The following LSAMP variants were observed in gnomAD, a reference collection of about 807,000 sequenced individuals.
LSAMP encodes limbic system-associated membrane protein.
Under a neutral mutation model 38.6 loss-of-function variants are expected in LSAMP, and 7 were observed. That is an observed-to-expected ratio of 0.18 (90% confidence interval 0.10 to 0.34). The LOEUF is 0.34. Among genes scored for constraint, LSAMP ranks in the 10% least tolerant of loss-of-function variants. The probability of loss-of-function intolerance (pLI) is 1.00; values close to 1 mark genes in which losing one functional copy is unlikely to be tolerated. For missense variants in LSAMP, 313 were observed against 420.0 expected (o/e 0.75, Z 2.23); for synonymous variants, 154 against 166.8 (o/e 0.92, Z 0.59).
chr3:116,287,200 T>TAA (rs2047206762), intron 1 of LSAMP, among the ~76,000 whole-genome samples: 1 of 152,092 alleles, frequency 6.6e-6, no homozygotes, highest in South Asian at 2.1e-4. Context: ...GGATAGTGTG[T>TAA]CACATGCAGA....
At chr3:116,280,434 G>A (rs551568735) in intron 1 of LSAMP, among the ~76,000 whole-genome samples, 3 of 152,288 alleles carry the variant, frequency 2.0e-5, no homozygotes, top group South Asian at 2.1e-4. Context: ...AGGACTTGGC[G>A]ACTGAGATTT....
At position 116,390,772 on chromosome 3, in the gene LSAMP, A is replaced by C. The variant is rs144360608; in HGVS notation, c.155+54105T>G. Among the ~76,000 whole-genome samples the C allele has an allele frequency of 2.5e-3, 379 of 150,574 alleles. 1 individual carries two copies. The highest frequency in any genetic ancestry group is 8.8e-3 in the African/African-American group (360 of 40,796). On this transcript the variant is annotated intron_variant, in intron 1 of 6. Coordinates refer to ENST00000490035, the MANE Select transcript of LSAMP (RefSeq NM_002338.5). ...AAAAAAAAAAAAAAAAAGGCAAGGA[A>C]CGTGCTTACAGTAACAATAATATCC...
At chr3:115,911,315 T>C (rs1937129355) in intron 3 of LSAMP, among the ~76,000 whole-genome samples, 1 of 152,216 alleles carries the variant, frequency 6.6e-6, no homozygotes, top group Non-Finnish European at 1.5e-5. Flanking sequence ...TTTTGGTTTA[T>C]AGCTATTATG....
intron 3 of LSAMP, among the ~76,000 whole-genome samples, chr3:115,925,611 C>T (rs890411943): frequency 1.3e-5 from 2 of 152,060 alleles, no homozygotes; most frequent in African/African-American, 4.8e-5. Flanking sequence ...GGATCAGAGG[C>T]ATTGCAAAAA....
rs952227868 is a variant in LSAMP, at chr3:115,983,399, T to G, written c.514+36116A>C. Among the ~76,000 whole-genome samples, 4 of 152,082 alleles carry G rather than the reference T, an allele frequency of 2.6e-5. No homozygotes were observed. The South Asian group carries it at 8.3e-4, about 32-fold the overall frequency. On this transcript the variant is annotated intron_variant, in intron 3 of 6. Coordinates refer to ENST00000490035, the MANE Select transcript of LSAMP (RefSeq NM_002338.5). ...TTAGCCTGGTATGGTGGTGCACACC[T>G]GTAGTCCCAGCTACTTGAGGCTGAG...
At chr3:115,847,236 C>A (rs966817522) in intron 4 of LSAMP, among the ~76,000 whole-genome samples, 2 of 152,042 alleles carry the variant, frequency 1.3e-5, no homozygotes, top group Non-Finnish European at 2.9e-5. Flanking sequence ...GTCCTCTCTA[C>A]GTGGGGATGA....
At chr3:116,248,787 AC>A (rs2046636832) in intron 1 of LSAMP, among the ~76,000 whole-genome samples, 1 of 152,076 alleles carries the variant, frequency 6.6e-6, no homozygotes, top group Non-Finnish European at 1.5e-5. Flanking sequence ...GCATGAGCAC[AC>A]CCATGTCTGT....
chr3:116,170,283 A>G (rs184041743), intron 1 of LSAMP, among the ~76,000 whole-genome samples: 7 of 152,318 alleles, frequency 4.6e-5, no homozygotes, highest in East Asian at 1.9e-4. Context: ...TTATAAGCCA[A>G]TCGGAGGAAG....
At chr3:116,390,624 G>T (rs531416134) in intron 1 of LSAMP, among the ~76,000 whole-genome samples, 1 of 151,834 alleles carries the variant, frequency 6.6e-6, no homozygotes, top group South Asian at 2.1e-4. Context: ...CAGCTACTCA[G>T]GAGGCTGAGG....
intron 2 of LSAMP, among the ~76,000 whole-genome samples, chr3:116,049,922 A>G (rs1249863749): frequency 6.6e-6 from 1 of 152,174 alleles, no homozygotes; most frequent in African/African-American, 2.4e-5. Flanking sequence ...TGTCCCTTCA[A>G]AGAAAAAGTA....
At chr3:116,087,737 T>A (rs945723279) in intron 1 of LSAMP, among the ~76,000 whole-genome samples, 2 of 152,184 alleles carry the variant, frequency 1.3e-5, no homozygotes, top group Admixed American at 1.3e-4. Context: ...AATTGATGCA[T>A]AACCCATAGG....
intron 1 of LSAMP, among the ~76,000 whole-genome samples, chr3:116,422,977 T>A (rs978977942): frequency 5.3e-5 from 8 of 152,212 alleles, no homozygotes; most frequent in Admixed American, 5.2e-4. Flanking sequence ...GCTTTCCTCT[T>A]CAATCAGAAT....
chr3:115,818,788 T>TATATATATATATATATATATA (rs1559834667), intron 6 of LSAMP, among the ~76,000 whole-genome samples: 1 of 24,990 alleles, frequency 4.0e-5, no homozygotes, highest in Non-Finnish European at 9.1e-5. Context: ...AAAGTTGTAC[T>TATATATATATATATATATATA]TTTATATATA....
intron 1 of LSAMP, among the ~76,000 whole-genome samples, chr3:116,139,712 C>T (rs933746992): frequency 6.6e-6 from 1 of 151,892 alleles, no homozygotes; most frequent in South Asian, 2.1e-4. Context: ...ACACATGAGG[C>T]TTATTTTTAG....
rs79328490 is a variant in LSAMP, at chr3:116,115,525, C to T, written c.156-28969G>A. Among the ~76,000 whole-genome samples, 1,110 of 152,260 alleles carry T rather than the reference C, an allele frequency of 7.3e-3. 50 individuals are homozygous for T. Among genetic ancestry groups the T allele is most frequent in the Admixed American group, 0.065 (1,001 of 15,284 alleles). On this transcript the variant is annotated intron_variant, in intron 1 of 6. Coordinates refer to ENST00000490035, the MANE Select transcript of LSAMP (RefSeq NM_002338.5). ...TTACCTCTGTCCTGTGTTCAGTCTC[C>T]TTTCTTCTCTTGTCCATTTCTTTTT...
At chr3:115,958,614 T>A (rs1938529237) in intron 3 of LSAMP, among the ~76,000 whole-genome samples, 1 of 152,124 alleles carries the variant, frequency 6.6e-6, no homozygotes, top group African/African-American at 2.4e-5. Context: ...CTCACACCCC[T>A]CAATTTTCCA....
intron 1 of LSAMP, among the ~76,000 whole-genome samples, chr3:116,352,086 C>T (rs1377709426): frequency 1.3e-5 from 2 of 152,042 alleles, no homozygotes; most frequent in Admixed American, 6.6e-5. Flanking sequence ...TATGTACAGG[C>T]AGTGGAAGGA....
chr3:116,374,979 A>G (rs2048475951), intron 1 of LSAMP, among the ~76,000 whole-genome samples: 1 of 151,926 alleles, frequency 6.6e-6, no homozygotes, highest in Non-Finnish European at 1.5e-5. Context: ...AGCTCCTTTA[A>G]TCTTTCTCCT....
intron 1 of LSAMP, among the ~76,000 whole-genome samples, chr3:116,427,337 GT>G (rs2049213721): frequency 6.6e-6 from 1 of 151,174 alleles, no homozygotes; most frequent in Non-Finnish European, 1.5e-5. Flanking sequence ...AGCCAGGATG[GT>G]CTCGATCTCC....
Sources: allele counts gnomAD v4.1 joint callset (sites outside exome capture counted in the v4.1 genomes callset), GRCh38; gene constraint gnomAD v4.1.1; transcripts MANE v1.5; gene names NCBI Gene and HGNC (gene_info 2026-07-23, HGNC 2026-07-21).